PCNT: variants seen among roughly 807,000 people sequenced by gnomAD.
The protein encoded by PCNT is pericentrin.
Under a neutral mutation model 380.4 loss-of-function variants are expected in PCNT, and 319 were observed. That is an observed-to-expected ratio of 0.84 (90% CI 0.77 to 0.92). The LOEUF is 0.92. Ranked by LOEUF, PCNT falls within the 40% of genes least tolerant of loss-of-function variation. The probability of loss-of-function intolerance (pLI) is 0.00; values close to 1 mark genes in which losing one functional copy is unlikely to be tolerated. For synonymous variants in PCNT, 1,845 were observed against 1,735.2 expected, an observed-to-expected ratio of 1.06 and a Z score of -1.57; for missense variants, 4,400 against 4,255.3, an observed-to-expected ratio of 1.03 and a Z score of -0.95.
At chr21:46,337,900 G>A (rs1256802765) in intron 3 of PCNT, among the ~76,000 whole-genome samples, 1 of 151,674 alleles carries the variant, frequency 6.6e-6, no homozygotes, top group East Asian at 1.9e-4. Context: ...TTGAGACAGT[G>A]TCTTGCTCTG....
intron 31 of PCNT, among the ~76,000 whole-genome samples, chr21:46,419,585 G>A (rs969451848): frequency 3.9e-5 from 6 of 152,098 alleles, no homozygotes; most frequent in Non-Finnish European, 5.9e-5. Flanking sequence ...CGTCCCCCTC[G>A]AGCCACTTTT....
chr21:46,370,501 G>T (rs560392343), intron 15 of PCNT, among the ~76,000 whole-genome samples: 1 of 152,078 alleles, frequency 6.6e-6, no homozygotes, highest in African/African-American at 2.4e-5. Context: ...GGCATGGAGA[G>T]CCTGGGGGCT....
At chr21:46,335,478 G>A (rs1279229602) in intron 3 of PCNT, among the ~76,000 whole-genome samples, 1 of 151,966 alleles carries the variant, frequency 6.6e-6, no homozygotes, top group African/African-American at 2.4e-5. Context: ...GGCGGATCAC[G>A]AGGTCAGGAA....
intron 3 of PCNT, among the ~76,000 whole-genome samples, chr21:46,340,693 G>T (rs960376897): frequency 6.6e-6 from 1 of 152,062 alleles, no homozygotes; most frequent in Non-Finnish European, 1.5e-5. Context: ...TTATTGAGAT[G>T]GAGTCTTTCT....
At position 46,421,897 on chromosome 21, in the gene PCNT, G is replaced by C. The variant is rs377709809; in HGVS notation, c.7025-73G>C. On this transcript the variant is annotated intron_variant, in intron 31 of 46. Coordinates refer to ENST00000359568, the MANE Select transcript of PCNT (RefSeq NM_006031.6). ...ACTGCGGGCCGATCACCCCTGTCCT[G>C]CCTCTGCAGTGCGTCCCCTGGGGAA... The C allele has an allele frequency of 7.7e-6, 12 of 1,553,650 alleles. No homozygotes were observed. In the East Asian group the frequency reaches 2.3e-4, roughly 29 times the overall value.
intron 24 of PCNT, 120 bp from the exon 25 acceptor site, chr21:46,399,470 G>A: frequency 1.4e-6 from 1 of 727,052 alleles, no homozygotes; most frequent in Non-Finnish European, 2.4e-6. Context: ...CTCCCTTTGG[G>A]TCTAGGGGAG....
chr21:46,368,277 C>G (rs1168014494), intron 15 of PCNT, among the ~76,000 whole-genome samples: 1 of 152,110 alleles, frequency 6.6e-6, no homozygotes, highest in Non-Finnish European at 1.5e-5. Context: ...AACCCCGTCT[C>G]TACTAAAAAT....
At chr21:46,368,447 CA>C (rs564219349) in intron 15 of PCNT, among the ~76,000 whole-genome samples, 2,512 of 134,774 alleles carry the variant, frequency 0.019, 54 homozygotes, top group African/African-American at 0.06. Flanking sequence ...GACTCTGTCT[CA>C]AAAAAAAAAA....
intron 3 of PCNT, among the ~76,000 whole-genome samples, chr21:46,342,046 AT>A: frequency 6.6e-6 from 1 of 150,964 alleles, no homozygotes; most frequent in East Asian, 2.0e-4. Context: ...GGTTCAAGTG[AT>A]TCTCATGCCT....
intron 14 of PCNT, among the ~76,000 whole-genome samples, chr21:46,364,616 TACAC>T (rs2084835169): frequency 6.6e-6 from 1 of 152,246 alleles, no homozygotes; most frequent in Non-Finnish European, 1.5e-5. Flanking sequence ...TTCTGAAACA[TACAC>T]ACTCTTCTTT....
intron 39 of PCNT, among the ~76,000 whole-genome samples, 170 bp downstream of exon 39, chr21:46,436,318 C>T (rs910506705): frequency 6.6e-6 from 1 of 152,170 alleles, no homozygotes; most frequent in Admixed American, 6.5e-5. Flanking sequence ...GGCAAGATGG[C>T]ATGTTCATAT....
In PCNT at chr21:46,348,992, T is replaced by G. The variant is rs747456111; in HGVS notation, c.1033-20T>G. On this transcript the variant is annotated intron_variant, in intron 6 of 46. Transcript: ENST00000359568. ...CAGATAATCAACTATTGAGTTTAAT[T>G]TTTTTTTCTTTTAAATTAGACCCTG... is the stretch of plus-strand genomic sequence containing the variant. 1 of 1,478,428 alleles carries G rather than the reference T, an allele frequency of 6.8e-7. No homozygotes were observed. Among genetic ancestry groups the G allele is most frequent in the Non-Finnish European group, 9.5e-7 (1 of 1,058,056 alleles). 91.6% of individuals were successfully genotyped at this position (1,478,428 alleles called of 1,614,324 possible).
intron 41 of PCNT, among the ~76,000 whole-genome samples, chr21:46,439,497 C>T (rs2053551097): frequency 6.6e-6 from 1 of 152,218 alleles, no homozygotes; most frequent in African/African-American, 2.4e-5. Flanking sequence ...TGTGCACGTC[C>T]TCCCGTACAC....
In PCNT at chr21:46,363,483, A is replaced by G. The variant is rs938369739; in HGVS notation, c.2158A>G (p.Lys720Glu). The G allele has an allele frequency of 1.2e-6, 2 of 1,610,702 alleles. No homozygotes were observed. The highest frequency in any genetic ancestry group is 1.7e-6 in the Non-Finnish European group (2 of 1,177,204). The change falls in exon 14 of 47, where the codon AAA (lysine) becomes GAA (glutamate). Residue 720 changes from lysine to glutamate, a missense_variant. By Grantham distance (56) the Lys-to-Glu change is moderately conservative. Transcript: ENST00000359568. ...TRLKDDLEKV[K>E]HNLIEDHQKE... Reference sequence around the variant, plus strand: ...AATGAAATTATGTTGTCTGTAGGTAAAACACAATCTAATTGAAGACCACCA... The same window carrying G: ...AATGAAATTATGTTGTCTGTAGGTAGAACACAATCTAATTGAAGACCACCA...
At position 46,411,395 on chromosome 21, in the gene PCNT, G is replaced by A. The variant is rs58559714; in HGVS notation, c.5322G>A (p.Glu1774=). The change falls in exon 28 of 47, where the codon GAG becomes GAA. Residue 1774 remains glutamate (E), a synonymous_variant. Transcript: ENST00000359568. ...GTCAGGCTGGCAGTCTGCAGAGCGAGCTGCTCTGCTCCCAGGCCGGGGGCC... is the reference window on the plus strand; with the variant it reads ...GTCAGGCTGGCAGTCTGCAGAGCGAACTGCTCTGCTCCCAGGCCGGGGGCC... ...SDSQAGSLQS[E]LLCSQAGGPR... is the part of the protein sequence containing the mutation. 146,073 of 1,613,660 alleles carry A rather than the reference G, an allele frequency of 0.091. 12,213 individuals are homozygous for A. The highest frequency in any genetic ancestry group is 0.45 in the African/African-American group (33,681 of 75,018).
intron 33 of PCNT, among the ~76,000 whole-genome samples, chr21:46,426,709 G>A (rs1279023433): frequency 5.3e-5 from 8 of 152,070 alleles, no homozygotes; most frequent in Admixed American, 6.5e-5. Flanking sequence ...TGTCGACCCC[G>A]CACCCCACTT....
chr21:46,388,916 G>C lies in PCNT; in HGVS notation c.3607+32G>C, dbSNP rs747729668. On this transcript the variant is annotated intron_variant, in intron 18 of 46. Transcript: ENST00000359568. This position sits in a 1 kb window ranked among gnomAD's most constrained non-coding sequence, Gnocchi z 4.2. ...GTGCCGGGACCAGCTGCCCAGCCCTGTGCTTGCAGCCCCTCTGTGGTCCTG... is the reference window on the plus strand; with the variant it reads ...GTGCCGGGACCAGCTGCCCAGCCCTCTGCTTGCAGCCCCTCTGTGGTCCTG... 3 of 1,567,352 alleles carry C rather than the reference G, an allele frequency of 1.9e-6. No homozygotes were observed. Among genetic ancestry groups the C allele is most frequent in the Non-Finnish European group, 2.6e-6 (3 of 1,162,760 alleles).
intron 20 of PCNT, 112 bp from the exon 21 acceptor site, chr21:46,391,052 G>C: frequency 8.3e-7 from 1 of 1,202,006 alleles, no homozygotes; most frequent in South Asian, 1.3e-5. Context: ...GAAGCTGCTG[G>C]CTCTTAGCTC....
rs909136570 is a variant in PCNT at position 46,425,727 on chromosome 21, C to T, written c.7180-104C>T. ...GGTGCCCTCCCTCTCCACAGCTGCC[C>T]GCCCTTCACAGAGTCCTGGCGGCAG... On this transcript the variant is annotated intron_variant, in intron 32 of 46. Coordinates refer to ENST00000359568, the MANE Select transcript of PCNT (RefSeq NM_006031.6). The surrounding 1 kb of genome is among the most constrained non-coding windows in gnomAD (Gnocchi z 4.2). The T allele has an allele frequency of 2.0e-5, 30 of 1,534,186 alleles. No homozygotes were observed. Among genetic ancestry groups the T allele is most frequent in the East Asian group, 1.6e-4 (7 of 44,372 alleles).
Sources: allele counts gnomAD v4.1 joint callset (sites outside exome capture counted in the v4.1 genomes callset), GRCh38; gene constraint gnomAD v4.1.1; non-coding constraint Gnocchi (gnomAD v3.1); transcripts MANE v1.5; gene names NCBI Gene and HGNC (gene_info 2026-07-23, HGNC 2026-07-21).